The following SLIT2 variants were observed in gnomAD, a reference collection of about 807,000 sequenced individuals.
The protein encoded by SLIT2 is slit guidance ligand 2, also known as slit homolog 2 protein.
A neutral mutation model predicts 185.7 loss-of-function variants in SLIT2; 41 were observed. The ratio of observed to expected loss-of-function variants is 0.22; its 90% CI spans 0.17 to 0.29. The LOEUF is 0.29. Ranked by LOEUF, SLIT2 falls within the 10% of genes least tolerant of loss-of-function variation. SLIT2 has a pLI of 1.00. For synonymous variants in SLIT2, 693 were observed against 680.2 expected (o/e 1.02, Z -0.29); for missense variants, 1,571 against 1,909.0 (o/e 0.82, Z 3.30).
chr4:20,608,650 T>C (rs972182552), intron 33 of SLIT2, among the ~76,000 whole-genome samples: 10 of 152,206 alleles, frequency 6.6e-5, no homozygotes, highest in African/African-American at 2.4e-4. Context: ...TTCTGCAGAG[T>C]GATTTCTCTT....
At chr4:20,524,423 A>G (rs1187783408) in intron 14 of SLIT2, among the ~76,000 whole-genome samples, 3 of 152,244 alleles carry the variant, frequency 2.0e-5, no homozygotes, top group Non-Finnish European at 4.4e-5. Context: ...ATGCCTAGAT[A>G]CTTCATAGTA....
intron 9 of SLIT2, among the ~76,000 whole-genome samples, chr4:20,496,572 T>A (rs1258011666): frequency 1.3e-5 from 2 of 152,200 alleles, no homozygotes; most frequent in African/African-American, 4.8e-5. Context: ...AGCTCCCCTC[T>A]TGTTTACAGG....
In SLIT2 at chr4:20,524,014, G is replaced by A. The variant is rs866828535; in HGVS notation, c.1275G>A (p.Met425Ile). The A allele has an allele frequency of 6.2e-7, 1 of 1,614,072 alleles. No individual in the cohort carries two copies. The highest frequency in any genetic ancestry group is 1.7e-5 in the Admixed American group (1 of 60,016). Residue 425 changes from methionine to isoleucine, a missense_variant and splice_region_variant, in exon 14 of 37, where the codon ATG becomes ATA. By Grantham distance (10) the Met-to-Ile change is conservative. Around this residue, in one of 3 missense-constraint regions of SLIT2, gnomAD observed 1,202 missense variants for 1,416.4 expected, o/e 0.85. Coordinates refer to ENST00000504154, the MANE Select transcript of SLIT2 (RefSeq NM_004787.4). ...AACTGTTCTGTATGTGTTTCCAAAG[G>A]CATTTGGCCCAGAACCCCTTTATTT... The part of the protein sequence containing the change: ...TFSPLRAIQT[M>I]HLAQNPFICD...
intron 4 of SLIT2, among the ~76,000 whole-genome samples, chr4:20,325,585 A>C (rs1442717730): frequency 3.3e-5 from 5 of 152,228 alleles, no homozygotes; most frequent in South Asian, 2.1e-4. Flanking sequence ...CAGATTACCA[A>C]AAGAGAGCAT....
intron 11 of SLIT2, among the ~76,000 whole-genome samples, chr4:20,518,585 AT>A (rs1720510548): frequency 4.3e-5 from 1 of 23,194 alleles, no homozygotes; most frequent in Non-Finnish European, 7.0e-5. Context: ...ATATATATAT[AT>A]ATTTTTTTTT....
intron 11 of SLIT2, among the ~76,000 whole-genome samples, chr4:20,515,680 TA>T (rs1456979755): frequency 6.6e-6 from 1 of 152,278 alleles, no homozygotes; most frequent in Non-Finnish European, 1.5e-5. Flanking sequence ...TGTATACATT[TA>T]AAAAAATTTA....
Position 20,394,528 on chromosome 4 carries a change from G to A in SLIT2, c.396-73224G>A, listed in dbSNP as rs147062585. On this transcript the variant is annotated intron_variant, in intron 4 of 36. Transcript: ENST00000504154. ...AAATGGGATTTTTTTTTTCTAAATAGGAGACAACTCTGCACTGTATCCTGC... is the reference window on the plus strand; with the variant it reads ...AAATGGGATTTTTTTTTTCTAAATAAGAGACAACTCTGCACTGTATCCTGC... 237 of 151,736 alleles carry A rather than the reference G, an allele frequency of 1.6e-3. 2 individuals are homozygous for A. The highest frequency in any genetic ancestry group is 5.5e-3 in the African/African-American group (226 of 41,418). 9.4% of individuals were successfully genotyped at this position (151,736 alleles called of 1,614,324 possible).
At chr4:20,366,530 AACC>A (rs1350151554) in intron 4 of SLIT2, among the ~76,000 whole-genome samples, 1 of 152,030 alleles carries the variant, frequency 6.6e-6, no homozygotes, top group Non-Finnish European at 1.5e-5. Context: ...ATCTCACCCA[AACC>A]ATATGTGTTG....
chr4:20,340,748 C>T (rs1278938200), intron 4 of SLIT2, among the ~76,000 whole-genome samples: 1 of 152,018 alleles, frequency 6.6e-6, no homozygotes, highest in Non-Finnish European at 1.5e-5. Context: ...CTACAGGTGC[C>T]CGCCACTAGA....
At chr4:20,334,708 A>G (rs1389623124) in intron 4 of SLIT2, among the ~76,000 whole-genome samples, 3 of 152,072 alleles carry the variant, frequency 2.0e-5, no homozygotes, top group East Asian at 3.9e-4. Flanking sequence ...TACTCTTTGT[A>G]CCTCAGTTTT....
intron 4 of SLIT2, among the ~76,000 whole-genome samples, chr4:20,431,639 C>T (rs1728987783): frequency 6.6e-6 from 1 of 152,180 alleles, no homozygotes; most frequent in Admixed American, 6.5e-5. Context: ...GCATCTTCTA[C>T]AGAGACAGAG....
intron 4 of SLIT2, among the ~76,000 whole-genome samples, chr4:20,275,701 C>T (rs1714104130): frequency 1.3e-5 from 2 of 152,096 alleles, no homozygotes; most frequent in Admixed American, 6.5e-5. Context: ...ACATTAGGGC[C>T]AGGATATTCT....
intron 4 of SLIT2, among the ~76,000 whole-genome samples, chr4:20,446,424 A>G (rs1011099153): frequency 6.6e-6 from 1 of 152,236 alleles, no homozygotes; most frequent in African/African-American, 2.4e-5. Context: ...ATGATGTAGA[A>G]AAAAGAGAGA....
chr4:20,352,708 T>C (rs1369543566), intron 4 of SLIT2, among the ~76,000 whole-genome samples: 1 of 152,096 alleles, frequency 6.6e-6, no homozygotes, highest in East Asian at 1.9e-4. Context: ...GGTCAGGAGA[T>C]TGAGATCACC....
At chr4:20,423,315 C>G (rs1215658629) in intron 4 of SLIT2, among the ~76,000 whole-genome samples, 2 of 151,570 alleles carry the variant, frequency 1.3e-5, no homozygotes, top group African/African-American at 2.4e-5. Context: ...AATAGATACC[C>G]TTAGTGAACA....
chr4:20,325,440 TAA>T (rs557494207), intron 4 of SLIT2, among the ~76,000 whole-genome samples: 11 of 122,536 alleles, frequency 9.0e-5, no homozygotes, highest in African/African-American at 1.8e-4. Context: ...GGAATAATCT[TAA>T]AAAAAAAAAA....
At chr4:20,365,449 C>G (rs1723042871) in intron 4 of SLIT2, among the ~76,000 whole-genome samples, 1 of 152,156 alleles carries the variant, frequency 6.6e-6, no homozygotes, top group South Asian at 2.1e-4. Flanking sequence ...GCACCTTCAA[C>G]TCTCTGCCAT....
chr4:20,458,008 CAG>C (rs768000199), intron 4 of SLIT2, among the ~76,000 whole-genome samples: 3 of 149,608 alleles, frequency 2.0e-5, no homozygotes, highest in Non-Finnish European at 4.4e-5. Flanking sequence ...ACTTGGTCAC[CAG>C]TTTTAATTTT....
At chr4:20,479,602 T>C (rs2148775894) in intron 5 of SLIT2, among the ~76,000 whole-genome samples, 1 of 151,252 alleles carries the variant, frequency 6.6e-6, no homozygotes, top group South Asian at 2.1e-4. Context: ...ATATTCAAGC[T>C]ACTGTATTTA....
Sources: allele counts gnomAD v4.1 joint callset (sites outside exome capture counted in the v4.1 genomes callset), GRCh38; gene constraint gnomAD v4.1.1; regional missense constraint gnomAD v4.1.1; transcripts MANE v1.5; gene names NCBI Gene and HGNC (gene_info 2026-07-23, HGNC 2026-07-21).